Variants in TBC1D2 observed in about 807,000 individuals in gnomAD.
TBC1D2 encodes TBC1 domain family member 2.
In TBC1D2, 58 loss-of-function variants were observed where a neutral mutation model predicts 91.1. The observed-to-expected ratio is 0.64, with a 90% CI of 0.52 to 0.79. TBC1D2 has a LOEUF of 0.79. TBC1D2 is among the 30% of genes least tolerant of loss of function. The pLI, the probability that TBC1D2 is intolerant of heterozygous loss-of-function variation, is 0.00. For missense variants in TBC1D2, 1,080 were observed against 1,208.3 expected, an observed-to-expected ratio of 0.89 and a Z score of 1.57; for synonymous variants, 482 against 511.5, an observed-to-expected ratio of 0.94 and a Z score of 0.78.
At chr9:98,226,129 G>C (rs1829228304) in intron 5 of TBC1D2, among the ~76,000 whole-genome samples, 2 of 152,214 alleles carry the variant, frequency 1.3e-5, no homozygotes, top group African/African-American at 4.8e-5. Flanking sequence ...CAGAAGTTGT[G>C]CTGGCTTTTT....
At chr9:98,226,705 T>C (rs1039522283) in intron 5 of TBC1D2, among the ~76,000 whole-genome samples, 5 of 152,250 alleles carry the variant, frequency 3.3e-5, no homozygotes, top group African/African-American at 1.2e-4. Flanking sequence ...CATTCTCCTT[T>C]TGACCCTCTG....
rs1828728568 is a variant in TBC1D2, at chr9:98,208,791, CGGTTCA to C, written c.2021_2026del (p.Leu674_Asn675del). ...GAAGTGTTTGTTGTTGGGGAAGGTC[CGGTTCA>C]GGTCCAGCTCAATCTGGCGGGCAGC... On this transcript the variant is annotated inframe_deletion, in exon 9 of 13. Coordinates refer to ENST00000465784, the MANE Select transcript of TBC1D2 (RefSeq NM_001267571.2). 1 of 1,593,882 alleles carries C rather than the reference CGGTTCA, an allele frequency of 6.3e-7. No homozygotes were observed. Among genetic ancestry groups the C allele is most frequent in the African/African-American group, 1.3e-5 (1 of 74,618 alleles).
At chr9:98,205,906 G>A (rs959961094) in intron 9 of TBC1D2, among the ~76,000 whole-genome samples, 4 of 151,306 alleles carry the variant, frequency 2.6e-5, no homozygotes, top group African/African-American at 7.3e-5. Context: ...CAAAGAAGAC[G>A]TATCAGGGAC....
intron 12 of TBC1D2, among the ~76,000 whole-genome samples, 173 bp from the exon 13 acceptor site, chr9:98,199,761 G>A (rs1694381395): frequency 6.6e-6 from 1 of 152,198 alleles, no homozygotes; most frequent in Non-Finnish European, 1.5e-5. Context: ...GATATGTACT[G>A]AGGCAGGAGG....
At chr9:98,216,698 A>G (rs1828977123) in intron 6 of TBC1D2, among the ~76,000 whole-genome samples, 1 of 151,556 alleles carries the variant, frequency 6.6e-6, no homozygotes, top group Admixed American at 6.6e-5. Flanking sequence ...ATATTTATTT[A>G]TTTTTCTTTC....
rs1828737191 is a variant in TBC1D2, at chr9:98,208,983, A to G, written c.1835T>C (p.Leu612Pro). Reference protein sequence around the residue: ...LRERWAALGDLVPSAELKQLL... With the variant: ...LRERWAALGDPVPSAELKQLL... ...CTGCTTGAGCTCGGCTGAGGGCACA[A>G]GATCGCCCAGGGCAGCCCAGCGCTC... The change falls in exon 9 of 13, where the codon CTT (leucine) becomes CCT (proline). Residue 612 changes from leucine to proline, a missense_variant. Transcript: ENST00000465784. The G allele has an allele frequency of 6.2e-7, 1 of 1,614,132 alleles. No individual in the cohort carries two copies. The highest frequency in any genetic ancestry group is 8.5e-7 in the Non-Finnish European group (1 of 1,180,014).
In TBC1D2 at chr9:98,200,382, T is replaced by A; in HGVS notation, c.2458-8A>T. 1 of 1,407,986 alleles carries A rather than the reference T, an allele frequency of 7.1e-7. No individual in the cohort carries two copies. The allele number at this position is 1,407,986 out of a possible 1,614,324, so 87.2% of individuals were successfully genotyped here. ...GGCATAGCGAAACACCACCTGGGGG[T>A]AGAGTGGGGGCTCAGGTAGGGCATG... On this transcript the variant is annotated splice_region_variant and splice_polypyrimidine_tract_variant and intron_variant, in intron 11 of 12. Coordinates refer to ENST00000465784, the MANE Select transcript of TBC1D2 (RefSeq NM_001267571.2).
intron 2 of TBC1D2, among the ~76,000 whole-genome samples, chr9:98,248,577 T>C (rs1023531264): frequency 5.3e-5 from 8 of 152,200 alleles, no homozygotes; most frequent in Non-Finnish European, 1.2e-4. Flanking sequence ...GTCTGCAGCC[T>C]AGGGTTTGAA....
At chr9:98,232,069 C>T (rs537284997) in intron 4 of TBC1D2, among the ~76,000 whole-genome samples, 11 of 152,098 alleles carry the variant, frequency 7.2e-5, no homozygotes, top group Non-Finnish European at 1.5e-4. Context: ...ATTATAGTGA[C>T]GGCTGCATAA....
chr9:98,204,426 C>A (rs58243318), intron 9 of TBC1D2, among the ~76,000 whole-genome samples: 2,140 of 152,302 alleles, frequency 0.014, 46 homozygotes, highest in African/African-American at 0.049. Context: ...CCATTGCACC[C>A]ATGGGGGCCT....
At chr9:98,240,400 C>T (rs1353420836) in intron 3 of TBC1D2, among the ~76,000 whole-genome samples, 1 of 152,172 alleles carries the variant, frequency 6.6e-6, no homozygotes, top group Non-Finnish European at 1.5e-5. Flanking sequence ...CTAGTGACTT[C>T]CCTTTCCCAG....
chr9:98,242,803 CTTTT>C (rs36035887), intron 3 of TBC1D2, among the ~76,000 whole-genome samples: 2,735 of 82,958 alleles, frequency 0.033, 44 homozygotes, highest in African/African-American at 0.081. Context: ...ACACTGCTGC[CTTTT>C]TTTTTTTTTT....
chr9:98,236,955 T>G (rs2119157144), intron 3 of TBC1D2, among the ~76,000 whole-genome samples: 1 of 151,452 alleles, frequency 6.6e-6, no homozygotes, highest in Non-Finnish European at 1.5e-5. Context: ...TCATTCAAAA[T>G]ACTTTTCATG....
In TBC1D2 at chr9:98,208,976, G is replaced by A; in HGVS notation, c.1842C>T (p.Pro614=). 6.2e-7 allele frequency: 1 copy of A among 1,614,138 alleles called. No homozygotes were observed. ...ERWAALGDLV[P]SAELKQLLRA... ...GCAGTAGCTGCTTGAGCTCGGCTGA[G>A]GGCACAAGATCGCCCAGGGCAGCCC... Residue 614 remains proline (P), a synonymous_variant, in exon 9 of 13, where the codon CCC becomes CCT. Coordinates refer to ENST00000465784, the MANE Select transcript of TBC1D2 (RefSeq NM_001267571.2).
intron 5 of TBC1D2, among the ~76,000 whole-genome samples, chr9:98,226,469 G>A (rs1421237520): frequency 6.6e-6 from 1 of 152,170 alleles, no homozygotes; most frequent in Non-Finnish European, 1.5e-5. Flanking sequence ...CTGGGCACAG[G>A]TCTCTCCAGT....
In TBC1D2 at chr9:98,224,206, A is replaced by AAAAAG. The variant is rs1259640375; in HGVS notation, c.979-2983_979-2979dup. On this transcript the variant is annotated intron_variant, in intron 5 of 12. Transcript: ENST00000465784. The stretch of plus-strand genomic sequence containing the variant: ...AGCGAGACTCCATCTCAAAAAAAAA[A>AAAAAG]AAAAGAAAAGAAAAGAAAAGAAAAA... 2.2e-3 allele frequency among the ~76,000 whole-genome samples: 302 copies of AAAAAG among 134,384 alleles called. 3 individuals are homozygous for AAAAAG. Among genetic ancestry groups the AAAAAG allele is most frequent in the Middle Eastern group, 3.7e-3 (1 of 270 alleles). 88.2% of individuals were successfully genotyped at this position (134,384 alleles called of 152,430 possible). A position where few individuals can be genotyped will look rare whatever the true frequency, so the allele number is the denominator to read the frequency against.
intron 1 of TBC1D2, among the ~76,000 whole-genome samples, chr9:98,253,194 TTGAGAGTCTCCTGCAGGGGACATGTACC>T (rs1171326874): frequency 2.6e-5 from 4 of 152,196 alleles, no homozygotes; most frequent in African/African-American, 9.7e-5. Context: ...CCCTTGGAAC[TTGAGAGTCTCCTGCAGGGGACATGTACC>T]TGGATGTTCC....
Position 98,221,178 on chromosome 9 carries a change from C to CTT in TBC1D2, c.1027_1028dup (p.Arg344SerfsTer106). The CTT allele has an allele frequency of 6.4e-7, 1 of 1,559,938 alleles. No homozygotes were observed. The highest frequency in any genetic ancestry group is 8.7e-7 in the Non-Finnish European group (1 of 1,151,864). On this transcript the variant is annotated frameshift_variant, in exon 6 of 13. Coordinates refer to ENST00000465784, the MANE Select transcript of TBC1D2 (RefSeq NM_001267571.2). LOFTEE classifies it high-confidence loss of function. Reference sequence around the variant, plus strand: ...CCGCCAGGTATGCGCTGGACGCCCGCTTCTCCTGCTGGGCGGCCTCCAGTG... The same window carrying CTT: ...CCGCCAGGTATGCGCTGGACGCCCGCTTTTCTCCTGCTGGGCGGCCTCCAGTG...
rs377492650 is a variant in TBC1D2, at chr9:98,213,748, G to A, written c.1375-530C>T. 3.1e-4 allele frequency among the ~76,000 whole-genome samples: 47 copies of A among 152,282 alleles called. No individual in the cohort carries two copies. In the Middle Eastern group the frequency reaches 0.017, roughly 55 times the overall value. On this transcript the variant is annotated intron_variant, in intron 6 of 12. Coordinates refer to ENST00000465784, the MANE Select transcript of TBC1D2 (RefSeq NM_001267571.2). ...TTCCCAGTGATCATTTTTAACCTCT[G>A]GTGATGATTCTATTGGGTGAATTTA... is the stretch of plus-strand genomic sequence containing the variant.
Sources: allele counts gnomAD v4.1 joint callset (sites outside exome capture counted in the v4.1 genomes callset), GRCh38; gene constraint gnomAD v4.1.1; transcripts MANE v1.5; gene names NCBI Gene and HGNC (gene_info 2026-07-23, HGNC 2026-07-21).